Variants in ANKRD45 observed in about 807,000 individuals in gnomAD.
ANKRD45 encodes the protein ankyrin repeat domain 45, also known as ankyrin repeat domain-containing protein 45.
Under a neutral mutation model 28.1 loss-of-function variants are expected in ANKRD45, and 21 were observed. The ratio of observed to expected loss-of-function variants is 0.75; its 90% CI spans 0.53 to 1.08. The LOEUF is 1.08. Ranked by LOEUF, ANKRD45 falls within the 50% of genes least tolerant of loss-of-function variation. ANKRD45 has a pLI of 0.00. For missense variants in ANKRD45, 261 were observed against 308.7 expected (o/e 0.85, Z 1.16); for synonymous variants, 86 against 103.9 (o/e 0.83, Z 1.05).
In ANKRD45 at chr1:173,617,518, G is replaced by A. The variant is rs1242508723; in HGVS notation, c.730+7269C>T. ...AGCACAGCTGCTGTGCCAGATTGTG[G>A]CCAGATTGCTTCTTTAAATGGGACC... On this transcript the variant is annotated intron_variant, in intron 5 of 5. Transcript: ENST00000333279. Among the ~76,000 whole-genome samples the A allele has an allele frequency of 2.0e-5, 3 of 152,334 alleles. No individual in the cohort carries two copies. The East Asian group carries it at 5.8e-4, about 29-fold the overall frequency.
At chr1:173,613,410 G>C (rs1667282184) in intron 5 of ANKRD45, among the ~76,000 whole-genome samples, 1 of 151,766 alleles carries the variant, frequency 6.6e-6, no homozygotes, top group Admixed American at 6.6e-5. Flanking sequence ...GCCCCGTCTG[G>C]GAAGTGAGGA....
chr1:173,679,468 C>T, the ANKRD45 span, among the ~76,000 whole-genome samples: 722 of 152,248 alleles, frequency 4.7e-3, 6 homozygotes, highest in African/African-American at 0.016. Flanking sequence ...ATTTAATAAA[C>T]GGTGTTGGGA....
At chr1:173,614,031 G>A (rs1019219154) in intron 5 of ANKRD45, among the ~76,000 whole-genome samples, 4 of 152,048 alleles carry the variant, frequency 2.6e-5, no homozygotes, top group South Asian at 2.1e-4. Context: ...GATTAAGGGC[G>A]GTGCAAGATG....
chr1:173,708,025 C>T, the ANKRD45 span, among the ~76,000 whole-genome samples: 1 of 152,228 alleles, frequency 6.6e-6, no homozygotes, highest in Non-Finnish European at 1.5e-5. Flanking sequence ...GCCCAAACCA[C>T]AGTTTTAATT....
the ANKRD45 span, among the ~76,000 whole-genome samples, chr1:173,692,280 T>C: frequency 6.6e-6 from 1 of 152,164 alleles, no homozygotes; most frequent in African/African-American, 2.4e-5. Context: ...TTTTATACAT[T>C]TTAGGGAGAC....
rs975528413 is a variant in ANKRD45 at position 173,624,494 on chromosome 1, A to G, written c.730+293T>C. On this transcript the variant is annotated intron_variant, in intron 5 of 5. Transcript: ENST00000333279. ...AGAGGAAGACTCTGCCTCCGGGGGA[A>G]AAAAAAAAAAAAATCAAAACAAAGC... 1.3e-4 allele frequency among the ~76,000 whole-genome samples: 10 copies of G among 79,998 alleles called. No individual in the cohort carries two copies. In the African/African-American group the frequency reaches 1.3e-3, roughly 10 times the overall value. The allele number at this position is 79,998 out of a possible 152,430, so 52.5% of individuals were successfully genotyped here.
the ANKRD45 span, among the ~76,000 whole-genome samples, chr1:173,705,704 G>C: frequency 1.3e-5 from 2 of 151,902 alleles, no homozygotes; most frequent in Non-Finnish European, 2.9e-5. Flanking sequence ...TTTTGCTTAA[G>C]TGAATTTTTT....
the ANKRD45 span, among the ~76,000 whole-genome samples, chr1:173,713,722 T>A: frequency 2.6e-5 from 4 of 151,598 alleles, no homozygotes; most frequent in Admixed American, 2.6e-4. Context: ...GAGGACCATC[T>A]CCCATACCCC....
intron 3 of ANKRD45, chr1:173,635,546 AT>A: frequency 6.5e-7 from 1 of 1,530,982 alleles, no homozygotes; most frequent in Non-Finnish European, 8.7e-7. Context: ...ACTACCGCTG[AT>A]TTTTTCTCTG....
chr1:173,622,152 C>G (rs375450426), intron 5 of ANKRD45, among the ~76,000 whole-genome samples: 1 of 152,012 alleles, frequency 6.6e-6, no homozygotes, highest in Non-Finnish European at 1.5e-5. Flanking sequence ...TCAAGGAAAT[C>G]AGAAAGGACA....
intron 2 of ANKRD45, among the ~76,000 whole-genome samples, chr1:173,656,968 T>G (rs924698086): frequency 6.8e-6 from 1 of 147,968 alleles, no homozygotes; most frequent in Non-Finnish European, 1.5e-5. Flanking sequence ...AGAGCATTGC[T>G]TGAGCCCAGG....
At chr1:173,661,228 G>A (rs1013651151) in intron 1 of ANKRD45, among the ~76,000 whole-genome samples, 1 of 152,132 alleles carries the variant, frequency 6.6e-6, no homozygotes. Flanking sequence ...CAAGATGTGG[G>A]AAATGTGATA....
At chr1:173,674,492 C>G (rs1247106336), upstream of ANKRD45, among the ~76,000 whole-genome samples, 1 of 152,104 alleles carries the variant, frequency 6.6e-6, no homozygotes, top group Non-Finnish European at 1.5e-5. Flanking sequence ...TAACATGTGC[C>G]CAAGGTGGTT....
At chr1:173,637,116 C>A in intron 3 of ANKRD45, 2 of 1,060,892 alleles carry the variant, frequency 1.9e-6, no homozygotes, top group Non-Finnish European at 2.7e-6. Context: ...AAAAATTGTT[C>A]TTTGGAAACC....
the ANKRD45 span, among the ~76,000 whole-genome samples, chr1:173,701,413 C>A: frequency 6.6e-6 from 1 of 152,178 alleles, no homozygotes; most frequent in African/African-American, 2.4e-5. Flanking sequence ...AGACTTGGAA[C>A]CAACCCAAAT....
At chr1:173,695,006 G>A in the ANKRD45 span, among the ~76,000 whole-genome samples, 1 of 152,032 alleles carries the variant, frequency 6.6e-6, no homozygotes, top group East Asian at 1.9e-4. Context: ...TTAATAATAT[G>A]AATGAAATAT....
At chr1:173,682,684 T>TACGCACACACAC in the ANKRD45 span, among the ~76,000 whole-genome samples, 1,966 of 144,020 alleles carry the variant, frequency 0.014, 42 homozygotes, top group East Asian at 0.028. Flanking sequence ...GCCTTTTAAA[T>TACGCACACACAC]ACACACACAC....
At chr1:173,633,212 G>GA (rs537882285) in intron 3 of ANKRD45, among the ~76,000 whole-genome samples, 17 of 149,090 alleles carry the variant, frequency 1.1e-4, no homozygotes, top group Middle Eastern at 6.8e-3. Flanking sequence ...TGAACAATCT[G>GA]AAAAAAAAAT....
chr1:173,615,248 G>A (rs938179225), intron 5 of ANKRD45, among the ~76,000 whole-genome samples: 12 of 152,030 alleles, frequency 7.9e-5, no homozygotes, highest in African/African-American at 1.2e-4. Flanking sequence ...AGCTGGGCGC[G>A]GTGGCACGTG....
Sources: allele counts gnomAD v4.1 joint callset (sites outside exome capture counted in the v4.1 genomes callset), GRCh38; gene constraint gnomAD v4.1.1; transcripts MANE v1.5; gene names NCBI Gene and HGNC (gene_info 2026-07-23, HGNC 2026-07-21).